The following EFCAB5 variants were observed in gnomAD, a reference collection of about 807,000 sequenced individuals.
The protein encoded by EFCAB5 is EF-hand calcium-binding domain-containing protein 5.
In EFCAB5, 131 loss-of-function variants were observed where a neutral mutation model predicts 167.9. That is an observed-to-expected ratio of 0.78 (90% CI 0.68 to 0.90). The LOEUF is 0.90. Ranked by LOEUF, EFCAB5 falls within the 40% of genes least tolerant of loss-of-function variation. The pLI is 0.00. For synonymous variants in EFCAB5, 574 were observed against 602.8 expected, an observed-to-expected ratio of 0.95 and a Z score of 0.70; for missense variants, 1,663 against 1,745.2, an observed-to-expected ratio of 0.95 and a Z score of 0.84.
rs150374838 is a variant in EFCAB5, at chr17:30,037,351, A to G, written c.1200+2966A>G. On this transcript the variant is annotated intron_variant, in intron 8 of 22. Coordinates refer to ENST00000394835, the MANE Select transcript of EFCAB5 (RefSeq NM_198529.4). ...CACCTGGGTTAGGACAAGGATAACT[A>G]TGGACATAAATAGCAAATACCAAAA... Among the ~76,000 whole-genome samples the G allele has an allele frequency of 9.6e-4, 146 of 152,324 alleles. 2 individuals are homozygous for G. In the Middle Eastern group the frequency reaches 0.01, roughly 11 times the overall value.
intron 19 of EFCAB5, among the ~76,000 whole-genome samples, chr17:30,088,556 G>A (rs2071133066): frequency 6.6e-6 from 1 of 152,176 alleles, no homozygotes; most frequent in South Asian, 2.1e-4. Context: ...GACATGCAGA[G>A]TTGGAGAGAA....
At chr17:30,088,825 C>T (rs1320048683) in intron 19 of EFCAB5, among the ~76,000 whole-genome samples, 1 of 152,192 alleles carries the variant, frequency 6.6e-6, no homozygotes, top group Non-Finnish European at 1.5e-5. Context: ...TGGCCTCATG[C>T]CAGAATGTTG....
intron 8 of EFCAB5, among the ~76,000 whole-genome samples, chr17:30,047,863 A>T (rs779322477): frequency 3.3e-5 from 5 of 152,200 alleles, no homozygotes; most frequent in Non-Finnish European, 7.3e-5. Context: ...TGGTATACCC[A>T]GAACTCTTTG....
intron 8 of EFCAB5, among the ~76,000 whole-genome samples, chr17:30,035,812 G>A (rs1012062837): frequency 1.3e-5 from 2 of 151,924 alleles, no homozygotes; most frequent in Non-Finnish European, 2.9e-5. Flanking sequence ...GAAACAGCAC[G>A]AAGGTCAAGT....
chr17:30,035,488 G>A (rs1229142407), intron 8 of EFCAB5, among the ~76,000 whole-genome samples: 1 of 152,194 alleles, frequency 6.6e-6, no homozygotes, highest in East Asian at 1.9e-4. Flanking sequence ...GCATTAAACT[G>A]ACAGAAGATA....
intron 14 of EFCAB5, among the ~76,000 whole-genome samples, chr17:30,062,535 C>A (rs1289759525): frequency 6.6e-6 from 1 of 152,344 alleles, no homozygotes; most frequent in East Asian, 1.9e-4. Flanking sequence ...AGACCACATA[C>A]CTGTGCTCTC....
At chr17:29,967,426 T>G (rs562246318) in intron 3 of EFCAB5, among the ~76,000 whole-genome samples, 93 of 152,290 alleles carry the variant, frequency 6.1e-4, no homozygotes, top group African/African-American at 2.2e-3. Context: ...GATGATTAGC[T>G]CAAATGGGAA....
rs1167630528 is a variant in EFCAB5, at chr17:30,078,474, G to A, written c.2997G>A (p.Val999=). The change falls in exon 15 of 23, where the codon GTG becomes GTA. Residue 999 remains valine, a synonymous_variant. Transcript: ENST00000394835. ...CAAGTGGGGTGTCCCTAGAGCCGGTGTATAGTGAGACCTTTAAGGCCCTCA... is the reference window on the plus strand; with the variant it reads ...CAAGTGGGGTGTCCCTAGAGCCGGTATATAGTGAGACCTTTAAGGCCCTCA... ...AETSGVSLEP[V]YSETFKALMQ... is the part of the protein sequence containing the mutation. 1 of 1,610,620 alleles carries A rather than the reference G, an allele frequency of 6.2e-7. No individual in the cohort carries two copies. Among genetic ancestry groups the A allele is most frequent in the Non-Finnish European group, 8.5e-7 (1 of 1,177,734 alleles).
rs760395182 is a variant in EFCAB5, at chr17:30,080,161, A to G, written c.3117A>G (p.Leu1039=). Reference sequence around the variant, plus strand: ...TACTGCCTGAGAAAGGGAATGTTCTATTGAGGAATGTGGCTTGTACCTTAG... The same window carrying G: ...TACTGCCTGAGAAAGGGAATGTTCTGTTGAGGAATGTGGCTTGTACCTTAG... The part of the protein sequence containing the change: ...NLLLPEKGNV[L]LRNVACTLDD... Residue 1039 remains leucine, a synonymous_variant, in exon 16 of 23, where the codon CTA becomes CTG. Coordinates refer to ENST00000394835, the MANE Select transcript of EFCAB5 (RefSeq NM_198529.4). 8 of 1,613,838 alleles carry G rather than the reference A, an allele frequency of 5.0e-6. No individual in the cohort carries two copies. The Admixed American group carries it at 8.3e-5, about 17-fold the overall frequency.
chr17:29,968,067 A>G (rs1263064262), intron 3 of EFCAB5, among the ~76,000 whole-genome samples: 1 of 151,810 alleles, frequency 6.6e-6, no homozygotes, highest in African/African-American at 2.4e-5. Context: ...TAGAAACAGC[A>G]TCTTCCTAAT....
chr17:30,012,959 T>A (rs1332242077), intron 7 of EFCAB5, among the ~76,000 whole-genome samples: 1 of 152,222 alleles, frequency 6.6e-6, no homozygotes, highest in Non-Finnish European at 1.5e-5. Context: ...ATAGCTCTTA[T>A]TATTTTGAGA....
At chr17:30,068,490 T>C in intron 14 of EFCAB5, 1 of 502,668 alleles carries the variant, frequency 2.0e-6, no homozygotes, top group Non-Finnish European at 3.5e-6. Flanking sequence ...TGAAAGAAAA[T>C]GAAGAGGACA....
In EFCAB5 at chr17:30,080,218, C is replaced by T. The variant is rs1222273893; in HGVS notation, c.3174C>T (p.Leu1058=). ...DDAQFVLNRV[L]YRDMKGISFT... is the part of the protein sequence containing the mutation. ...CTCAATTTGTACTGAACAGAGTGCT[C>T]TACAGGGACATGAAAGGAATCAGGT... The change falls in exon 16 of 23, where the codon CTC becomes CTT. Residue 1058 remains leucine (L), a synonymous_variant. Transcript: ENST00000394835. 1 of 1,592,668 alleles carries T rather than the reference C, an allele frequency of 6.3e-7. No homozygotes were observed. The highest frequency in any genetic ancestry group is 8.5e-7 in the Non-Finnish European group (1 of 1,174,100).
At chr17:29,952,104 C>G (rs907124423) in intron 3 of EFCAB5, among the ~76,000 whole-genome samples, 1 of 152,140 alleles carries the variant, frequency 6.6e-6, no homozygotes, top group African/African-American at 2.4e-5. Context: ...AGGGCCTTGT[C>G]TCTGCTTCCT....
intron 4 of EFCAB5, among the ~76,000 whole-genome samples, chr17:29,971,147 C>A (rs1015766829): frequency 2.6e-5 from 4 of 151,006 alleles, no homozygotes; most frequent in African/African-American, 9.7e-5. Flanking sequence ...TTTTATCATT[C>A]TTTGTTGCTA....
At chr17:30,068,053 C>T (rs1476318165) in intron 14 of EFCAB5, among the ~76,000 whole-genome samples, 1 of 152,226 alleles carries the variant, frequency 6.6e-6, no homozygotes, top group Non-Finnish European at 1.5e-5. Context: ...CGCCTGTAAT[C>T]CCAGGACTTT....
chr17:29,941,927 T>C (rs1174074447), intron 1 of EFCAB5, 89 bp downstream of exon 1: 2 of 1,269,020 alleles, frequency 1.6e-6, no homozygotes, highest in African/African-American at 1.5e-5. Flanking sequence ...TCACAGTCTA[T>C]CATTTAATTA....
intron 7 of EFCAB5, among the ~76,000 whole-genome samples, chr17:30,022,823 AAACT>A (rs1182837133): frequency 6.6e-6 from 1 of 152,246 alleles, no homozygotes; most frequent in African/African-American, 2.4e-5. Flanking sequence ...AAATTATAAC[AAACT>A]ATCTCTCGGA....
intron 3 of EFCAB5, chr17:29,968,248 T>G (rs1597595146): frequency 4.8e-6 from 2 of 420,676 alleles, no homozygotes; most frequent in South Asian, 3.4e-5. Flanking sequence ...TCAGAGAATT[T>G]GAACCAAACC....
Sources: gnomAD v4.1 joint callset for allele counts (sites outside exome capture counted in the v4.1 genomes callset) on GRCh38, gnomAD v4.1.1 for gene constraint, MANE v1.5 for transcripts, NCBI Gene and HGNC (gene_info 2026-07-23, HGNC 2026-07-21) for gene names.